Variants in WAPL observed in about 807,000 individuals in gnomAD.
WAPL encodes the protein wings apart-like protein homolog.
WAPL carries 5 observed loss-of-function variants against 121.0 expected under a neutral mutation model. The observed-to-expected ratio is 0.04, with a 90% CI of 0.02 to 0.09. The LOEUF is 0.09. WAPL is among the 10% of genes least tolerant of loss of function. The pLI is 1.00. For synonymous variants in WAPL, 480 were observed against 481.5 expected (o/e 1.00, Z 0.04); for missense variants, 999 against 1,410.8 (o/e 0.71, Z 4.68).
chr10:86,454,202 A>G (rs1841073757), intron 12 of WAPL, among the ~76,000 whole-genome samples: 1 of 152,254 alleles, frequency 6.6e-6, no homozygotes, highest in Non-Finnish European at 1.5e-5. Context: ...AAAGACAAGT[A>G]TTAAATATTT....
rs1029518337 is a variant in WAPL, at chr10:86,443,469, A to G, written c.3323-106T>C. 15 of 837,054 alleles carry G rather than the reference A, an allele frequency of 1.8e-5. No homozygotes were observed. The South Asian group carries it at 2.0e-4, about 11-fold the overall frequency. The allele number at this position is 837,054 out of a possible 1,614,324, so 51.9% of individuals were successfully genotyped here. A position where few individuals can be genotyped will look rare whatever the true frequency, so the allele number is the denominator to read the frequency against. ...TTTACTTTAAAACTGCTACAAATCA[A>G]CGAATGATGCTAGGACAACTGGATA... On this transcript the variant is annotated intron_variant, in intron 16 of 18. Transcript: ENST00000298767.
At chr10:86,517,420 G>T in intron 2 of WAPL, 151 bp downstream of exon 2, 1 of 1,197,990 alleles carries the variant, frequency 8.3e-7, no homozygotes, top group Non-Finnish European at 1.1e-6. Flanking sequence ...TTTCTTTAAA[G>T]TTCTTAAATG....
intron 4 of WAPL, among the ~76,000 whole-genome samples, chr10:86,485,271 G>A (rs1004012775): frequency 1.3e-5 from 2 of 151,994 alleles, no homozygotes; most frequent in African/African-American, 2.4e-5. Flanking sequence ...GGCAGGGCAC[G>A]GTAGCTCACA....
intron 3 of WAPL, among the ~76,000 whole-genome samples, chr10:86,499,461 T>G (rs528532743): frequency 6.6e-6 from 1 of 152,192 alleles, no homozygotes; most frequent in African/African-American, 2.4e-5. Flanking sequence ...ATATACTATG[T>G]TTTTTCGTAT....
chr10:86,484,265 C>T (rs1841876185), intron 4 of WAPL, among the ~76,000 whole-genome samples: 1 of 152,038 alleles, frequency 6.6e-6, no homozygotes, highest in Admixed American at 6.6e-5. Context: ...GGAGGCCAAG[C>T]TGGGAGGATT....
intron 15 of WAPL, among the ~76,000 whole-genome samples, chr10:86,449,947 C>A (rs183489595): frequency 8.8e-4 from 134 of 152,098 alleles, no homozygotes; most frequent in Middle Eastern, 3.4e-3. Context: ...AATCTATACA[C>A]GTAATAAAAC....
chr10:86,504,692 C>G (rs959678987), intron 2 of WAPL, among the ~76,000 whole-genome samples: 2 of 151,684 alleles, frequency 1.3e-5, no homozygotes. Context: ...CATAGCAGTA[C>G]GTGCTTATAG....
Position 86,472,101 on chromosome 10 carries a change from A to T in WAPL, c.2030+107T>A. ...TAACATATCACTGGCTATACATACT[A>T]CCCCATCATAACAAAATAAAAAATG... On this transcript the variant is annotated intron_variant, in intron 7 of 18. Coordinates refer to ENST00000298767, the MANE Select transcript of WAPL (RefSeq NM_015045.5). This position sits in a 1 kb window ranked among gnomAD's most constrained non-coding sequence, Gnocchi z 4.2. 9.7e-7 allele frequency: 1 copy of T among 1,030,870 alleles called. No individual in the cohort carries two copies. Among genetic ancestry groups the T allele is most frequent in the Non-Finnish European group, 1.4e-6 (1 of 728,156 alleles). The allele number at this position is 1,030,870 out of a possible 1,614,324, so 63.9% of individuals were successfully genotyped here.
At chr10:86,519,206 G>A (rs766063860) in intron 1 of WAPL, among the ~76,000 whole-genome samples, 3 of 151,788 alleles carry the variant, frequency 2.0e-5, no homozygotes, top group Non-Finnish European at 4.4e-5. Context: ...CATTAGTTCT[G>A]TGCCTATTAA....
At chr10:86,509,545 A>C (rs1322537431) in intron 2 of WAPL, among the ~76,000 whole-genome samples, 1 of 152,166 alleles carries the variant, frequency 6.6e-6, no homozygotes, top group Non-Finnish European at 1.5e-5. Context: ...GTGATTGTTT[A>C]TTCTATCTTC....
At chr10:86,454,921 G>C (rs1311569403) in intron 12 of WAPL, among the ~76,000 whole-genome samples, 1 of 145,482 alleles carries the variant, frequency 6.9e-6, no homozygotes, top group African/African-American at 2.6e-5. Flanking sequence ...GTCTCTGCCC[G>C]GCCACCCCGT....
chr10:86,470,324 G>A (rs534164868), intron 8 of WAPL, among the ~76,000 whole-genome samples: 13 of 152,028 alleles, frequency 8.6e-5, no homozygotes, highest in African/African-American at 2.4e-4. Context: ...ATGAGCCACC[G>A]CGCCCAGCCC....
At position 86,472,870 on chromosome 10, in the gene WAPL, TTAAAAAGCAGGGAGC is replaced by T. The variant is rs1841565491; in HGVS notation, c.1741-121_1741-107del. The T allele has an allele frequency of 8.0e-7, 1 of 1,248,962 alleles. No individual in the cohort carries two copies. Among genetic ancestry groups the T allele is most frequent in the Admixed American group, 2.9e-5 (1 of 34,670 alleles). The allele number at this position is 1,248,962 out of a possible 1,614,324, so 77.4% of individuals were successfully genotyped here. ...TTCAAAAAAAAGTAAATAAAGCTTT[TTAAAAAGCAGGGAGC>T]AGGGAGGCCTCTCAAAGGTCTTTAG... On this transcript the variant is annotated intron_variant, in intron 5 of 18. Coordinates refer to ENST00000298767, the MANE Select transcript of WAPL (RefSeq NM_015045.5). The surrounding 1 kb of genome is among the most constrained non-coding windows in gnomAD (Gnocchi z 4.2).
At chr10:86,449,011 T>A (rs1442062719) in intron 15 of WAPL, among the ~76,000 whole-genome samples, 1 of 152,182 alleles carries the variant, frequency 6.6e-6, no homozygotes, top group Admixed American at 6.5e-5. Flanking sequence ...GAAATAGATC[T>A]GTGGAGTTTA....
intron 4 of WAPL, among the ~76,000 whole-genome samples, chr10:86,485,159 G>A (rs1841901547): frequency 6.9e-6 from 1 of 145,228 alleles, no homozygotes; most frequent in Non-Finnish European, 1.5e-5. Context: ...GATAACCCCT[G>A]GCCACATTTT....
At chr10:86,502,940 A>G (rs1432123934) in intron 2 of WAPL, among the ~76,000 whole-genome samples, 1 of 151,716 alleles carries the variant, frequency 6.6e-6, no homozygotes, top group Non-Finnish European at 1.5e-5. Flanking sequence ...CGGGCGGATC[A>G]TGAGGTCAGG....
At chr10:86,509,142 A>G (rs1473366197) in intron 2 of WAPL, among the ~76,000 whole-genome samples, 1 of 152,204 alleles carries the variant, frequency 6.6e-6, no homozygotes, top group Non-Finnish European at 1.5e-5. Context: ...ATATTTATAT[A>G]CTGAATTTCG....
intron 2 of WAPL, among the ~76,000 whole-genome samples, chr10:86,510,400 A>C (rs1484323570): frequency 1.3e-5 from 2 of 152,174 alleles, no homozygotes; most frequent in African/African-American, 4.8e-5. Flanking sequence ...AAAGCATAAA[A>C]TACTTAGGGA....
At chr10:86,470,818 A>G (rs1841518208) in intron 8 of WAPL, among the ~76,000 whole-genome samples, 174 bp downstream of exon 8, 1 of 152,256 alleles carries the variant, frequency 6.6e-6, no homozygotes, top group African/African-American at 2.4e-5. Flanking sequence ...TCATGATAAA[A>G]TAAGTATTAA....
Sources: gnomAD v4.1 joint callset for allele counts (sites outside exome capture counted in the v4.1 genomes callset) on GRCh38, gnomAD v4.1.1 for gene constraint, Gnocchi (gnomAD v3.1) non-coding constraint, MANE v1.5 for transcripts, NCBI Gene and HGNC (gene_info 2026-07-23, HGNC 2026-07-21) for gene names.